The following ST3GAL2 variants were observed in gnomAD, a reference collection of about 807,000 sequenced individuals.
The protein encoded by ST3GAL2 is ST3 beta-galactoside alpha-2,3-sialyltransferase 2, also known as CMP-N-acetylneuraminate-beta-galactosamide-alpha-2,3-sialyltransferase 2.
Under a neutral mutation model 37.5 loss-of-function variants are expected in ST3GAL2, and 16 were observed. That is an observed-to-expected ratio of 0.43 (90% CI 0.29 to 0.65). The LOEUF is 0.65. Ranked by LOEUF, ST3GAL2 falls within the 30% of genes least tolerant of loss-of-function variation. ST3GAL2 has a pLI of 0.17. For synonymous variants in ST3GAL2, 238 were observed against 202.9 expected, an observed-to-expected ratio of 1.17 and a Z score of -1.47; for missense variants, 383 against 487.8, an observed-to-expected ratio of 0.79 and a Z score of 2.02.
At chr16:70,424,649 G>A (rs1567676848) in intron 1 of ST3GAL2, among the ~76,000 whole-genome samples, 1 of 152,154 alleles carries the variant, frequency 6.6e-6, no homozygotes, top group Non-Finnish European at 1.5e-5. Context: ...TCTTGCCAAT[G>A]AAATGGAAAA....
rs184904841 is a variant in ST3GAL2, at chr16:70,423,707, G to A, written c.-1004+15242C>T. 3.3e-3 allele frequency among the ~76,000 whole-genome samples: 458 copies of A among 136,766 alleles called. 2 individuals are homozygous for A. The highest frequency in any genetic ancestry group is 0.012 in the African/African-American group (407 of 33,894). 89.7% of individuals were successfully genotyped at this position (136,766 alleles called of 152,430 possible). A position where few individuals can be genotyped will look rare whatever the true frequency, so the allele number is the denominator to read the frequency against. On this transcript the variant is annotated intron_variant, in intron 1 of 6. Transcript: ENST00000342907. ...TTTTTTTTTTTTGAGATGGAGTTTC[G>A]CTCTTTTTGCCCAGGCTGGAGTGCA...
chr16:70,388,546 C>A lies in ST3GAL2; in HGVS notation c.534G>T (p.Arg178Ser). 6.3e-7 allele frequency: 1 copy of A among 1,576,612 alleles called. No individual in the cohort carries two copies. Among genetic ancestry groups the A allele is most frequent in the Non-Finnish European group, 8.6e-7 (1 of 1,159,168 alleles). ...AGCCCACGGTTGGCGCCTGATTCAT[C>A]CTGCAGGGACAAGAGGGTGACATGA... is the stretch of plus-strand genomic sequence containing the variant. The part of the protein sequence containing the change: ...QDVDGHNFIM[R>S]MNQAPTVGFE... Residue 178 changes from arginine (R) to serine (S), a missense_variant and splice_region_variant, in exon 4 of 7, where the codon AGG becomes AGT. By Grantham distance (110) the Arg-to-Ser change is moderately radical. Coordinates refer to ENST00000342907, the MANE Select transcript of ST3GAL2 (RefSeq NM_006927.4).
intron 1 of ST3GAL2, among the ~76,000 whole-genome samples, chr16:70,426,458 C>T (rs962876975): frequency 1.3e-5 from 2 of 151,802 alleles, no homozygotes; most frequent in Non-Finnish European, 2.9e-5. Context: ...CCTCGGCCTC[C>T]CAAAGTGCTG....
At chr16:70,434,287 A>ATTTTGTATTG (rs2047810565) in intron 1 of ST3GAL2, among the ~76,000 whole-genome samples, 8 of 152,172 alleles carry the variant, frequency 5.3e-5, no homozygotes, top group Admixed American at 5.2e-4. Flanking sequence ...CAATACAAAA[A>ATTTTGTATTG]TTAGCTGGCT....
chr16:70,420,161 C>G (rs933033539), intron 1 of ST3GAL2, among the ~76,000 whole-genome samples: 1 of 151,516 alleles, frequency 6.6e-6, no homozygotes, highest in Non-Finnish European at 1.5e-5. Context: ...TTATCAGTTT[C>G]TATTCTTGTG....
At chr16:70,407,227 A>G (rs111662526) in intron 1 of ST3GAL2, among the ~76,000 whole-genome samples, 13,212 of 148,138 alleles carry the variant, frequency 0.089, 1,929 homozygotes, top group African/African-American at 0.31. Context: ...TGCAACCTCC[A>G]CCTCCTGGGT....
chr16:70,426,355 C>CA (rs1453280215), intron 1 of ST3GAL2, among the ~76,000 whole-genome samples: 18 of 150,204 alleles, frequency 1.2e-4, no homozygotes, highest in Non-Finnish European at 3.0e-5. Context: ...AATGCCACCA[C>CA]ACCCAGCTAA....
intron 3 of ST3GAL2, among the ~76,000 whole-genome samples, chr16:70,389,300 AC>A (rs2047466378): frequency 1.4e-5 from 2 of 138,798 alleles, no homozygotes; most frequent in African/African-American, 5.3e-5. Context: ...TTATTTATTT[AC>A]TTTTAATTAT....
At chr16:70,431,963 T>TA (rs1397244157) in intron 1 of ST3GAL2, among the ~76,000 whole-genome samples, 18 of 138,648 alleles carry the variant, frequency 1.3e-4, no homozygotes, top group African/African-American at 4.8e-4. Flanking sequence ...GACTCCGTCT[T>TA]AAAAAAAATA....
intron 1 of ST3GAL2, among the ~76,000 whole-genome samples, chr16:70,431,290 G>C (rs963889377): frequency 7.2e-5 from 11 of 152,172 alleles, no homozygotes; most frequent in Admixed American, 7.2e-4. Flanking sequence ...ATTAACATTT[G>C]TTGCCAATTT....
rs942135528 is a variant in ST3GAL2 at position 70,399,307 on chromosome 16, C to T, written c.-777G>A. 2 of 398,834 alleles carry T rather than the reference C, an allele frequency of 5.0e-6. No individual in the cohort carries two copies. Among genetic ancestry groups the T allele is most frequent in the South Asian group, 1.3e-4 (1 of 7,862 alleles). 24.7% of individuals were successfully genotyped at this position (398,834 alleles called of 1,614,324 possible). A position where few individuals can be genotyped will look rare whatever the true frequency, so the allele number is the denominator to read the frequency against. On this transcript the variant is annotated 5_prime_UTR_variant, in exon 2 of 7. Coordinates refer to ENST00000342907, the MANE Select transcript of ST3GAL2 (RefSeq NM_006927.4). ...CTACTGTGGCTGTGGGGTCCTCTGG[C>T]GCTGGGAACAGCTGCTGTTCAGCGG... is the stretch of plus-strand genomic sequence containing the variant.
rs2047531549 is a variant in ST3GAL2 at position 70,398,348 on chromosome 16, G to C, written c.183C>G (p.Ser61Arg). The change falls in exon 2 of 7, where the codon AGC becomes AGG. Residue 61 changes from serine to arginine, a missense_variant. Physicochemically the swap from Ser to Arg is moderately radical, Grantham distance 110. Coordinates refer to ENST00000342907, the MANE Select transcript of ST3GAL2 (RefSeq NM_006927.4). ...AGCTCTTGCCCGAGAGCCTCTCCTT[G>C]CTGAGGCGCTGCAGGCCGGCATAGC... ...VPGYAGLQRL[S>R]KERLSGKSCA... The C allele has an allele frequency of 3.1e-6, 5 of 1,613,380 alleles. No homozygotes were observed. The Admixed American group carries it at 8.3e-5, about 27-fold the overall frequency.
At chr16:70,425,624 C>T (rs1026118769) in intron 1 of ST3GAL2, among the ~76,000 whole-genome samples, 4 of 152,070 alleles carry the variant, frequency 2.6e-5, no homozygotes, top group Non-Finnish European at 4.4e-5. Flanking sequence ...GAAGCTGACA[C>T]AGGAGAATCG....
At chr16:70,387,950 C>T (rs1216118093) in intron 4 of ST3GAL2, among the ~76,000 whole-genome samples, 1 of 151,854 alleles carries the variant, frequency 6.6e-6, no homozygotes, top group Non-Finnish European at 1.5e-5. Flanking sequence ...CCTGTCTCTA[C>T]TAAAATACAA....
At chr16:70,413,886 A>AAC (rs1235225757) in intron 1 of ST3GAL2, among the ~76,000 whole-genome samples, 11 of 152,128 alleles carry the variant, frequency 7.2e-5, no homozygotes, top group African/African-American at 2.7e-4. Flanking sequence ...CTCCAAATGG[A>AAC]ACACTTTATG....
At chr16:70,420,954 G>A (rs1431260258) in intron 1 of ST3GAL2, among the ~76,000 whole-genome samples, 2 of 152,220 alleles carry the variant, frequency 1.3e-5, no homozygotes, top group African/African-American at 4.8e-5. Flanking sequence ...CTTTCCAACA[G>A]GGACCCTGGA....
chr16:70,411,860 G>A (rs2047640504), intron 1 of ST3GAL2, among the ~76,000 whole-genome samples: 1 of 152,040 alleles, frequency 6.6e-6, no homozygotes, highest in Admixed American at 6.6e-5. Flanking sequence ...TGGGTGTGGT[G>A]GCGGATGTCT....
intron 1 of ST3GAL2, among the ~76,000 whole-genome samples, chr16:70,433,999 C>T (rs1034303985): frequency 2.6e-5 from 4 of 152,184 alleles, no homozygotes; most frequent in African/African-American, 9.7e-5. Context: ...TTTCTGAGCT[C>T]CCTATGGGGA....
chr16:70,381,780 C>T lies in ST3GAL2; in HGVS notation c.962G>A (p.Arg321Gln). 1 of 1,614,094 alleles carries T rather than the reference C, an allele frequency of 6.2e-7. No homozygotes were observed. Among genetic ancestry groups the T allele is most frequent in the South Asian group, 1.1e-5 (1 of 91,090 alleles). The change falls in exon 7 of 7, where the codon CGG becomes CAG. Residue 321 changes from arginine to glutamine, a missense_variant. Arg to Gln is a conservative substitution (Grantham distance 43). Around this residue, in one of 2 missense-constraint regions of ST3GAL2, gnomAD observed 160 missense variants for 248.6 expected, o/e 0.64. Coordinates refer to ENST00000342907, the MANE Select transcript of ST3GAL2 (RefSeq NM_006927.4). Reference protein sequence around the residue: ...WENNRYAGEFRKTGVHDADFE... With the variant: ...WENNRYAGEFQKTGVHDADFE... ...GTCCGCGTCGTGCACGCCAGTCTTC[C>T]GGAACTCGCCCGCGTACCGGTTGTT...
Sources: allele counts gnomAD v4.1 joint callset (sites outside exome capture counted in the v4.1 genomes callset), GRCh38; gene constraint gnomAD v4.1.1; regional missense constraint gnomAD v4.1.1; transcripts MANE v1.5; gene names NCBI Gene and HGNC (gene_info 2026-07-23, HGNC 2026-07-21).